Variants in GPC6 observed in about 807,000 individuals in gnomAD.
GPC6 encodes the protein glypican-6.
Under a neutral mutation model 55.2 loss-of-function variants are expected in GPC6, and 14 were observed. The ratio of observed to expected loss-of-function variants is 0.25; its 90% confidence interval spans 0.17 to 0.40. The LOEUF (loss-of-function observed/expected upper bound fraction) is 0.40. Among genes scored for constraint, GPC6 ranks in the 10% least tolerant of loss-of-function variants. The pLI is 1.00. For synonymous variants in GPC6, 278 were observed against 259.6 expected (o/e 1.07, Z -0.68); for missense variants, 641 against 708.5 (o/e 0.90, Z 1.08).
chr13:93,384,383 C>T (rs1301096318), intron 1 of GPC6, among the ~76,000 whole-genome samples: 10 of 136,214 alleles, frequency 7.3e-5, no homozygotes, highest in African/African-American at 2.0e-4. Context: ...ACCTGAAAAC[C>T]GTTTTTTTTT....
At chr13:93,304,384 T>C (rs545521609) in intron 1 of GPC6, among the ~76,000 whole-genome samples, 4 of 152,180 alleles carry the variant, frequency 2.6e-5, no homozygotes, top group Non-Finnish European at 5.9e-5. Context: ...AGATGGCAGT[T>C]GCTAGCCTTG....
chr13:94,069,973 T>C (rs2138781310), intron 4 of GPC6, among the ~76,000 whole-genome samples: 1 of 152,350 alleles, frequency 6.6e-6, no homozygotes, highest in Admixed American at 6.5e-5. Flanking sequence ...TTTGGGTATC[T>C]TTTTAGCAGT....
At chr13:93,368,275 C>T (rs1373353130) in intron 1 of GPC6, among the ~76,000 whole-genome samples, 1 of 147,544 alleles carries the variant, frequency 6.8e-6, no homozygotes, top group African/African-American at 2.5e-5. Context: ...TTTCCTCCCT[C>T]CCTCCTTCCC....
chr13:94,086,509 G>T (rs1000963584), intron 4 of GPC6, among the ~76,000 whole-genome samples: 3 of 151,842 alleles, frequency 2.0e-5, no homozygotes, highest in African/African-American at 7.3e-5. Flanking sequence ...AATGTGCATG[G>T]TTTCCTAAGT....
intron 4 of GPC6, among the ~76,000 whole-genome samples, chr13:94,078,952 A>G (rs1042037737): frequency 6.6e-6 from 1 of 152,020 alleles, no homozygotes; most frequent in Admixed American, 6.6e-5. Context: ...AGAAAAAAAA[A>G]TTTTAGGTAA....
chr13:93,719,798 T>G (rs1447803239), intron 2 of GPC6, among the ~76,000 whole-genome samples: 1 of 152,096 alleles, frequency 6.6e-6, no homozygotes, highest in Non-Finnish European at 1.5e-5. Flanking sequence ...CATGAAGTCC[T>G]GTTTAATTTT....
Position 94,382,416 on chromosome 13 carries a change from C to A in GPC6, c.1155C>A (p.Val385=). Reference sequence around the variant, plus strand: ...GCTTTCCTTGGTTTCTTGATCAGGTCACAGACATAAAAGAGAAATTGAAGC... The same window carrying A: ...GCTTTCCTTGGTTTCTTGATCAGGTAACAGACATAAAAGAGAAATTGAAGC... ...TAAGTSLDRL[V]TDIKEKLKLS... The change falls in exon 7 of 9, where the codon GTC becomes GTA. Residue 385 remains valine (V), a splice_region_variant and synonymous_variant. Transcript: ENST00000377047. The A allele has an allele frequency of 6.2e-7, 1 of 1,614,034 alleles. No homozygotes were observed. The highest frequency in any genetic ancestry group is 1.1e-5 in the South Asian group (1 of 91,056).
intron 2 of GPC6, among the ~76,000 whole-genome samples, chr13:93,664,816 T>C (rs945534776): frequency 2.0e-5 from 3 of 152,190 alleles, no homozygotes; most frequent in African/African-American, 7.2e-5. Context: ...TTCTTTTTAC[T>C]TGGATTAGAG....
chr13:93,741,096 A>G (rs1027753224), intron 2 of GPC6, among the ~76,000 whole-genome samples: 1 of 146,024 alleles, frequency 6.8e-6, no homozygotes, highest in Non-Finnish European at 1.5e-5. Context: ...CTTTTGTAGT[A>G]TACCGATACC....
intron 6 of GPC6, among the ~76,000 whole-genome samples, chr13:94,375,164 G>C (rs1050760139): frequency 6.6e-6 from 1 of 150,914 alleles, no homozygotes; most frequent in African/African-American, 2.4e-5. Context: ...AGAAAAGCAA[G>C]AGCAAACACA....
intron 1 of GPC6, among the ~76,000 whole-genome samples, chr13:93,248,938 T>G (rs1426456656): frequency 6.6e-6 from 1 of 152,198 alleles, no homozygotes; most frequent in Non-Finnish European, 1.5e-5. Context: ...TCTAATGGCC[T>G]TTTAACAGTG....
chr13:94,246,105 A>G (rs1334029480), intron 4 of GPC6, among the ~76,000 whole-genome samples: 1 of 152,024 alleles, frequency 6.6e-6, no homozygotes, highest in African/African-American at 2.4e-5. Flanking sequence ...CATTTTCCTG[A>G]TGATTAGGGA....
intron 2 of GPC6, among the ~76,000 whole-genome samples, chr13:93,752,455 G>C (rs201810883): frequency 1.4e-4 from 21 of 145,730 alleles, no homozygotes; most frequent in Admixed American, 3.4e-4. Flanking sequence ...AAAAAAAAAA[G>C]AAAAAAAAAG....
the GPC6 span, among the ~76,000 whole-genome samples, chr13:93,217,647 T>G: frequency 6.6e-6 from 1 of 152,194 alleles, no homozygotes; most frequent in Non-Finnish European, 1.5e-5. Context: ...GTTACAAGTT[T>G]AAAATAAGCT....
intron 1 of GPC6, among the ~76,000 whole-genome samples, chr13:93,231,330 CGTATAT>C (rs1320978580): frequency 4.3e-5 from 1 of 23,348 alleles, no homozygotes; most frequent in African/African-American, 2.0e-4. Context: ...TATATATATA[CGTATAT>C]ATATATATAC....
chr13:93,236,439 C>T (rs1040458334), intron 1 of GPC6, among the ~76,000 whole-genome samples: 2 of 152,092 alleles, frequency 1.3e-5, no homozygotes, highest in East Asian at 1.9e-4. Context: ...TCCCCAACCC[C>T]CAGGCCATGG....
intron 3 of GPC6, chr13:93,836,046 C>T (rs1887720933): frequency 6.6e-6 from 1 of 152,164 alleles, no homozygotes; most frequent in Non-Finnish European, 1.5e-5. Context: ...TTTTCATCAA[C>T]AGACACCCAC....
Position 94,286,401 on chromosome 13 carries a change from G to A in GPC6, c.930G>A (p.Ser310=), listed in dbSNP as rs754858999. ...ERLEGPFNIE[S]VMDPIDVKIS... is the part of the protein sequence containing the mutation. ...TGGAGGGGCCATTCAACATTGAGTCGGTCATGGACCCGATAGATGTCAAGA... is the reference window on the plus strand; with the variant it reads ...TGGAGGGGCCATTCAACATTGAGTCAGTCATGGACCCGATAGATGTCAAGA... The change falls in exon 5 of 9, where the codon TCG becomes TCA. Residue 310 remains serine, a synonymous_variant. Coordinates refer to ENST00000377047, the MANE Select transcript of GPC6 (RefSeq NM_005708.5). 2.8e-5 allele frequency: 45 copies of A among 1,613,322 alleles called. 1 individual carries two copies. The Admixed American group carries it at 4.7e-4, about 17-fold the overall frequency.
chr13:93,761,966 T>C (rs1242580188), intron 2 of GPC6, among the ~76,000 whole-genome samples: 1 of 152,134 alleles, frequency 6.6e-6, no homozygotes, highest in Non-Finnish European at 1.5e-5. Flanking sequence ...AAGTCATTCC[T>C]CCCATCTAAC....
Sources: gnomAD v4.1 joint callset for allele counts (sites outside exome capture counted in the v4.1 genomes callset) on GRCh38, gnomAD v4.1.1 for gene constraint, MANE v1.5 for transcripts, NCBI Gene and HGNC (gene_info 2026-07-23, HGNC 2026-07-21) for gene names.